Variants in LRRC20 observed in about 807,000 individuals in gnomAD.
LRRC20 encodes leucine rich repeat containing 20, also known as leucine-rich repeat-containing protein 20.
A neutral mutation model predicts 14.4 loss-of-function variants in LRRC20; 11 were observed. The observed-to-expected ratio is 0.77, with a 90% CI of 0.48 to 1.27. LRRC20 has a LOEUF of 1.27. LRRC20 is among the 50% of genes most tolerant of loss of function. LRRC20 has a pLI of 0.00. For missense variants in LRRC20, 219 were observed against 251.2 expected (o/e 0.87, Z 0.87); for synonymous variants, 121 against 107.3 (o/e 1.13, Z -0.79).
intron 2 of LRRC20, among the ~76,000 whole-genome samples, chr10:70,358,164 T>C (rs1307851273): frequency 6.6e-6 from 1 of 152,202 alleles, no homozygotes; most frequent in East Asian, 1.9e-4. Context: ...GCAAGTCACT[T>C]ATGGGGCCTC....
At chr10:70,367,055 T>C (rs1310172980) in intron 2 of LRRC20, among the ~76,000 whole-genome samples, 1 of 151,850 alleles carries the variant, frequency 6.6e-6, no homozygotes, top group African/African-American at 2.4e-5. Flanking sequence ...CCAGATGCCG[T>C]GGTTTGTGCC....
chr10:70,306,483 G>A (rs1841431458), intron 4 of LRRC20, among the ~76,000 whole-genome samples: 1 of 152,068 alleles, frequency 6.6e-6, no homozygotes, highest in African/African-American at 2.4e-5. Context: ...TCCTCATTTT[G>A]TGTTTGTCTG....
At chr10:70,315,390 A>C (rs1171861036) in intron 4 of LRRC20, among the ~76,000 whole-genome samples, 1 of 152,190 alleles carries the variant, frequency 6.6e-6, no homozygotes, top group Non-Finnish European at 1.5e-5. Flanking sequence ...ATGGACTGAA[A>C]TAGAGTTATA....
At chr10:70,374,351 CTTTT>C (rs57167315) in intron 2 of LRRC20, among the ~76,000 whole-genome samples, 2 of 133,184 alleles carry the variant, frequency 1.5e-5, no homozygotes, top group Non-Finnish European at 1.6e-5. Context: ...CCTGTGAAGC[CTTTT>C]TTTTTTTTTT....
chr10:70,371,671 A>G (rs1844277069), intron 2 of LRRC20, among the ~76,000 whole-genome samples: 1 of 152,118 alleles, frequency 6.6e-6, no homozygotes, highest in African/African-American at 2.4e-5. Context: ...GCTCAGGGGA[A>G]GCAGACTACC....
chr10:70,339,925 A>G (rs1207320240), intron 3 of LRRC20, among the ~76,000 whole-genome samples: 1 of 152,078 alleles, frequency 6.6e-6, no homozygotes, highest in Non-Finnish European at 1.5e-5. Flanking sequence ...GTTTGAGACC[A>G]GCTTGGCCAA....
chr10:70,369,803 A>C (rs921612092), intron 2 of LRRC20, among the ~76,000 whole-genome samples: 2 of 152,072 alleles, frequency 1.3e-5, no homozygotes, highest in Admixed American at 1.3e-4. Context: ...CAAGTCCAAA[A>C]GATCAAAAAT....
At chr10:70,330,224 A>AGATTTCT (rs1842484209) in intron 3 of LRRC20, among the ~76,000 whole-genome samples, 3 of 151,838 alleles carry the variant, frequency 2.0e-5, no homozygotes, top group Non-Finnish European at 4.4e-5. Flanking sequence ...CTCCAATGCA[A>AGATTTCT]TCACCTGGGC....
intron 4 of LRRC20, among the ~76,000 whole-genome samples, chr10:70,307,092 C>T (rs1329592265): frequency 6.6e-6 from 1 of 152,220 alleles, no homozygotes; most frequent in Non-Finnish European, 1.5e-5. Context: ...GCCCTGGAAT[C>T]AGCCACTTCT....
chr10:70,326,284 C>A (rs1051276989), intron 3 of LRRC20, among the ~76,000 whole-genome samples: 4 of 138,946 alleles, frequency 2.9e-5, no homozygotes, highest in Admixed American at 2.3e-4. Flanking sequence ...GCCCCCTTCC[C>A]AGCGCCTCTG....
intron 3 of LRRC20, 130 bp downstream of exon 3, chr10:70,340,423 C>G: frequency 9.1e-7 from 1 of 1,103,650 alleles, no homozygotes; most frequent in South Asian, 1.5e-5. Flanking sequence ...TTTTCAAAGT[C>G]AACCCATGGG....
chr10:70,364,410 C>T (rs577661480), intron 2 of LRRC20, among the ~76,000 whole-genome samples: 1 of 152,268 alleles, frequency 6.6e-6, no homozygotes, highest in Non-Finnish European at 1.5e-5. Flanking sequence ...CACACAGCAG[C>T]TGCTCAAAGT....
At chr10:70,368,750 G>A (rs954742088) in intron 2 of LRRC20, among the ~76,000 whole-genome samples, 10 of 152,078 alleles carry the variant, frequency 6.6e-5, no homozygotes, top group Admixed American at 1.3e-4. Context: ...AGCCTCCTGA[G>A]TAGCTGGGAC....
intron 4 of LRRC20, among the ~76,000 whole-genome samples, chr10:70,310,495 C>T (rs1042388086): frequency 1.3e-5 from 2 of 152,322 alleles, no homozygotes; most frequent in African/African-American, 4.8e-5. Flanking sequence ...CTTTGCCACT[C>T]CCCTGCATCC....
Position 70,378,140 on chromosome 10 carries a change from T to A in LRRC20, c.-63-1544A>T, listed in dbSNP as rs370066801. 1.4e-4 allele frequency among the ~76,000 whole-genome samples: 21 copies of A among 152,318 alleles called. No homozygotes were observed. The South Asian group carries it at 4.3e-3, about 32-fold the overall frequency. On this transcript the variant is annotated intron_variant, in intron 1 of 4. Coordinates refer to ENST00000446961, the MANE Select transcript of LRRC20 (RefSeq NM_001278212.2). ...GAGGATAAAGCAGTGCATATGTGGA[T>A]GTAACAGCAGCATATAACCCCAGTT...
At chr10:70,371,253 C>A (rs1844255321) in intron 2 of LRRC20, among the ~76,000 whole-genome samples, 1 of 152,000 alleles carries the variant, frequency 6.6e-6, no homozygotes, top group Non-Finnish European at 1.5e-5. Context: ...CCTCTCGCCT[C>A]AACCTCCCAA....
Position 70,301,290 on chromosome 10 carries a change from C to G in LRRC20, c.*64G>C. 6.4e-7 allele frequency: 1 copy of G among 1,551,128 alleles called. No homozygotes were observed. Among genetic ancestry groups the G allele is most frequent in the Non-Finnish European group, 8.7e-7 (1 of 1,150,498 alleles). On this transcript the variant is annotated 3_prime_UTR_variant, in exon 5 of 5. Coordinates refer to ENST00000446961, the MANE Select transcript of LRRC20 (RefSeq NM_001278212.2). ...CAGGCTTGGCCTCCCATGGGCCTCC[C>G]TCCCTTCCAGGGTTCCAGGCCTGTG...
At chr10:70,372,520 C>A (rs1415241919) in intron 2 of LRRC20, among the ~76,000 whole-genome samples, 21 of 149,032 alleles carry the variant, frequency 1.4e-4, no homozygotes, top group Non-Finnish European at 3.1e-4. Context: ...CAGCTCACTG[C>A]AGGCTCCACC....
At chr10:70,355,260 G>A (rs537285018) in intron 2 of LRRC20, among the ~76,000 whole-genome samples, 1 of 152,304 alleles carries the variant, frequency 6.6e-6, no homozygotes, top group Non-Finnish European at 1.5e-5. Context: ...AGAGCTGGCT[G>A]GCTCTAAAAG....
Sources: gnomAD v4.1 joint callset for allele counts (sites outside exome capture counted in the v4.1 genomes callset) on GRCh38, gnomAD v4.1.1 for gene constraint, MANE v1.5 for transcripts, NCBI Gene and HGNC (gene_info 2026-07-23, HGNC 2026-07-21) for gene names.